RAD51B: variants seen among roughly 807,000 people sequenced by gnomAD.
RAD51B encodes the protein RAD51 paralog B, also known as DNA repair protein RAD51 homolog 2.
In RAD51B, 38 loss-of-function variants were observed where a neutral mutation model predicts 42.2. The observed-to-expected ratio is 0.90, with a 90% CI of 0.70 to 1.18. The LOEUF is 1.18. RAD51B is among the 50% of genes most tolerant of loss of function. The probability of loss-of-function intolerance (pLI) is 0.00; values close to 1 mark genes in which losing one functional copy is unlikely to be tolerated. For missense variants in RAD51B, 373 were observed against 400.7 expected (o/e 0.93, Z 0.59); for synonymous variants, 154 against 145.2 (o/e 1.06, Z -0.43).
chr14:68,573,779 A>G (rs1055335986), intron 10 of RAD51B, among the ~76,000 whole-genome samples: 1 of 152,176 alleles, frequency 6.6e-6, no homozygotes, highest in East Asian at 1.9e-4. Flanking sequence ...CATCCAACCT[A>G]TATCTGTTCC....
chr14:68,064,898 A>G (rs1355561366), intron 7 of RAD51B, among the ~76,000 whole-genome samples: 4 of 151,816 alleles, frequency 2.6e-5, no homozygotes, highest in Admixed American at 6.6e-5. Context: ...CGAATTGTCT[A>G]TTTGTATTAT....
intron 8 of RAD51B, among the ~76,000 whole-genome samples, chr14:68,317,085 A>G (rs141189074): frequency 6.6e-6 from 1 of 152,310 alleles, no homozygotes; most frequent in African/African-American, 2.4e-5. Flanking sequence ...TTAAGTCTCA[A>G]GCTTCTCAAA....
chr14:68,324,063 C>A (rs2082204433), intron 8 of RAD51B, among the ~76,000 whole-genome samples: 1 of 152,182 alleles, frequency 6.6e-6, no homozygotes, highest in Non-Finnish European at 1.5e-5. Flanking sequence ...AAAAGTTAAA[C>A]CTCTTAGAGG....
At chr14:68,381,992 T>C (rs931804507) in intron 8 of RAD51B, among the ~76,000 whole-genome samples, 1 of 152,258 alleles carries the variant, frequency 6.6e-6, no homozygotes, top group Non-Finnish European at 1.5e-5. Context: ...AAAATACATA[T>C]AAAGTAAGAT....
At chr14:67,996,859 C>A (rs1004816171) in intron 7 of RAD51B, among the ~76,000 whole-genome samples, 3 of 152,190 alleles carry the variant, frequency 2.0e-5, no homozygotes, top group Non-Finnish European at 2.9e-5. Flanking sequence ...GTAGCTTAGA[C>A]AGAGTGGTCA....
At chr14:68,377,965 TA>T (rs2083405538) in intron 8 of RAD51B, among the ~76,000 whole-genome samples, 2 of 152,222 alleles carry the variant, frequency 1.3e-5, no homozygotes, top group Non-Finnish European at 2.9e-5. Flanking sequence ...AAAAGTCATT[TA>T]AAAAAATAAG....
At chr14:68,133,876 C>A (rs1595448715) in intron 7 of RAD51B, among the ~76,000 whole-genome samples, 1 of 152,160 alleles carries the variant, frequency 6.6e-6, no homozygotes, top group Non-Finnish European at 1.5e-5. Context: ...ACAGCGAGGT[C>A]ATATATATCC....
At chr14:68,345,530 C>T (rs1375628330) in intron 8 of RAD51B, among the ~76,000 whole-genome samples, 2 of 152,142 alleles carry the variant, frequency 1.3e-5, no homozygotes, top group African/African-American at 4.8e-5. Context: ...ATGCTAGCTT[C>T]CCTTCACCTG....
intron 10 of RAD51B, among the ~76,000 whole-genome samples, chr14:68,608,101 C>T (rs1272172157): frequency 6.6e-6 from 1 of 152,190 alleles, no homozygotes; most frequent in South Asian, 2.1e-4. Flanking sequence ...TTGGGCACAG[C>T]GCGTGCCATG....
chr14:68,258,427 ACACACT>A (rs1412648658), intron 7 of RAD51B, among the ~76,000 whole-genome samples: 2 of 149,022 alleles, frequency 1.3e-5, no homozygotes, highest in African/African-American at 5.0e-5. Flanking sequence ...ACACACACAC[ACACACT>A]CTCTCTCTCT....
At chr14:68,073,753 G>C (rs965366562) in intron 7 of RAD51B, among the ~76,000 whole-genome samples, 1 of 152,102 alleles carries the variant, frequency 6.6e-6, no homozygotes, top group African/African-American at 2.4e-5. Context: ...CTTAGCATTT[G>C]CTTGCCTGAA....
intron 4 of RAD51B, among the ~76,000 whole-genome samples, chr14:67,854,498 G>T (rs1471458694): frequency 6.6e-6 from 1 of 151,768 alleles, no homozygotes; most frequent in African/African-American, 2.4e-5. Flanking sequence ...GCTGGGTGTG[G>T]TGGCATGCGC....
chr14:67,983,895 A>ACC (rs1477968648), intron 7 of RAD51B, among the ~76,000 whole-genome samples: 5 of 151,570 alleles, frequency 3.3e-5, no homozygotes, highest in Non-Finnish European at 7.4e-5. Flanking sequence ...TAGTTATATA[A>ACC]TTTAGGCAAG....
intron 8 of RAD51B, among the ~76,000 whole-genome samples, chr14:68,322,686 G>A (rs55978801): frequency 0.097 from 14,702 of 152,112 alleles, 814 homozygotes; most frequent in African/African-American, 0.14. Flanking sequence ...TCCCCTCCAG[G>A]CCTCACAGAT....
At chr14:67,924,714 G>A (rs772189545) in intron 7 of RAD51B, among the ~76,000 whole-genome samples, 5 of 152,180 alleles carry the variant, frequency 3.3e-5, no homozygotes, top group Admixed American at 6.5e-5. Context: ...GTCACAACAC[G>A]TGGGAATTCA....
intron 7 of RAD51B, among the ~76,000 whole-genome samples, chr14:67,945,551 A>G (rs4902537): frequency 0.069 from 10,452 of 152,196 alleles, 876 homozygotes; most frequent in African/African-American, 0.2. Context: ...GCAGTGGCGC[A>G]ATCTCTCCTC....
intron 7 of RAD51B, among the ~76,000 whole-genome samples, chr14:68,129,417 G>A (rs1054813141): frequency 1.3e-5 from 2 of 152,060 alleles, no homozygotes; most frequent in Non-Finnish European, 2.9e-5. Context: ...CATCAATTTG[G>A]TAGTTTAACT....
rs544599655 is a variant in RAD51B, at chr14:68,363,895, G to A, written c.854-47529G>A. The stretch of plus-strand genomic sequence containing the variant: ...CCATTGCACAGAGATTGCAGAGAAG[G>A]GGCCACATCGGTCAGTGTTAGCGTC... On this transcript the variant is annotated intron_variant, in intron 8 of 10. Coordinates refer to ENST00000471583, the MANE Select transcript of RAD51B (RefSeq NM_133510.4). 2.2e-3 allele frequency among the ~76,000 whole-genome samples: 336 copies of A among 152,294 alleles called. 2 individuals carry two copies. Among genetic ancestry groups the A allele is most frequent in the African/African-American group, 7.7e-3 (319 of 41,550 alleles).
At chr14:68,273,419 A>T (rs2139595776) in intron 7 of RAD51B, among the ~76,000 whole-genome samples, 1 of 152,370 alleles carries the variant, frequency 6.6e-6, no homozygotes, top group Non-Finnish European at 1.5e-5. Flanking sequence ...CCTACAGTGT[A>T]AAATTAAGCT....
Sources: gnomAD v4.1 joint callset for allele counts (sites outside exome capture counted in the v4.1 genomes callset) on GRCh38, gnomAD v4.1.1 for gene constraint, MANE v1.5 for transcripts, NCBI Gene and HGNC (gene_info 2026-07-23, HGNC 2026-07-21) for gene names.